PPP6R2: variants seen among roughly 807,000 people sequenced by gnomAD.
PPP6R2 encodes the protein protein phosphatase 6 regulatory subunit 2, also known as serine/threonine-protein phosphatase 6 regulatory subunit 2.
A neutral mutation model predicts 100.2 loss-of-function variants in PPP6R2; 62 were observed. The ratio of observed to expected loss-of-function variants is 0.62; its 90% CI spans 0.50 to 0.76. PPP6R2 has a LOEUF of 0.76. Among genes scored for constraint, PPP6R2 ranks in the 30% least tolerant of loss-of-function variants. The pLI is 0.00. For synonymous variants in PPP6R2, 525 were observed against 514.7 expected (o/e 1.02, Z -0.27); for missense variants, 1,142 against 1,276.3 (o/e 0.89, Z 1.60).
chr22:50,350,820 G>C (rs1267610074), intron 1 of PPP6R2, among the ~76,000 whole-genome samples: 7 of 147,304 alleles, frequency 4.8e-5, no homozygotes, highest in East Asian at 2.1e-4. Context: ...ACTCCAGCCT[G>C]GGCGACAGAG....
rs137859323 is a variant in PPP6R2, at chr22:50,394,103, G to A, written c.195G>A (p.Pro65=). The A allele has an allele frequency of 1.8e-4, 287 of 1,614,036 alleles. No homozygotes were observed. The highest frequency in any genetic ancestry group is 2.3e-4 in the Non-Finnish European group (273 of 1,180,020). ...EELVSLITQD[P]PLDMEEKVRF... The stretch of plus-strand genomic sequence containing the variant: ...TGGTGAGCCTCATCACACAGGATCC[G>A]CCCCTGGACATGGAGGAGAAGGTCC... Residue 65 remains proline, a synonymous_variant, in exon 3 of 24, where the codon CCG becomes CCA. Coordinates refer to ENST00000612753, the MANE Select transcript of PPP6R2 (RefSeq NM_001242898.2).
In PPP6R2 at chr22:50,439,951, T is replaced by C; in HGVS notation, c.2286-10T>C. ...CCCAGGACTGATCCTGTCCTCGTCC[T>C]TGTATGCAGCTCCGAGTCAGGGCCC... On this transcript the variant is annotated splice_polypyrimidine_tract_variant and intron_variant, in intron 20 of 23. Transcript: ENST00000612753. 1 of 1,613,236 alleles carries C rather than the reference T, an allele frequency of 6.2e-7. No individual in the cohort carries two copies. The highest frequency in any genetic ancestry group is 1.1e-5 in the South Asian group (1 of 91,022).
In PPP6R2 at chr22:50,444,470, C is replaced by CA. The variant is rs905355221; in HGVS notation, c.*224dup. The CA allele has an allele frequency of 9.2e-5, 50 of 541,964 alleles. No homozygotes were observed. Among genetic ancestry groups the CA allele is most frequent in the African/African-American group, 8.8e-4 (45 of 50,908 alleles). The allele number at this position is 541,964 out of a possible 1,614,324, so 33.6% of individuals were successfully genotyped here. A position where few individuals can be genotyped will look rare whatever the true frequency, so the allele number is the denominator to read the frequency against. On this transcript the variant is annotated 3_prime_UTR_variant, in exon 24 of 24. Transcript: ENST00000612753. ...CGTGCCCTGCTGGAGGACAGAGGGG[C>CA]ACCTCAGCCGCCCCCAAGCCCAGAG...
chr22:50,439,318 A>C (rs2065076991), intron 19 of PPP6R2, among the ~76,000 whole-genome samples: 1 of 152,098 alleles, frequency 6.6e-6, no homozygotes. Context: ...GATAGGAGGA[A>C]GACACCCCAT....
Position 50,406,741 on chromosome 22 carries a change from G to A in PPP6R2, c.280G>A (p.Asp94Asn), listed in dbSNP as rs779515905. The A allele has an allele frequency of 7.4e-6, 12 of 1,613,876 alleles. No individual in the cohort carries two copies. Among genetic ancestry groups the A allele is most frequent in the East Asian group, 4.5e-5 (2 of 44,900 alleles). ...LLTCDVPQIS[D>N]RLGGDESLLS... Reference sequence around the variant, plus strand: ...GACTTGTGATGTGCCGCAGATCAGCGACCGCCTCGGTGGGGACGAGAGCCT... The same window carrying A: ...GACTTGTGATGTGCCGCAGATCAGCAACCGCCTCGGTGGGGACGAGAGCCT... Residue 94 changes from aspartate to asparagine, a missense_variant, in exon 4 of 24, where the codon GAC (aspartate) becomes AAC (asparagine). Asp to Asn is a conservative substitution (Grantham distance 23). Around this residue, in one of 2 missense-constraint regions of PPP6R2, gnomAD observed 592 missense variants for 758.9 expected, o/e 0.78. Coordinates refer to ENST00000612753, the MANE Select transcript of PPP6R2 (RefSeq NM_001242898.2).
chr22:50,367,067 G>A (rs1388000874), intron 1 of PPP6R2, among the ~76,000 whole-genome samples: 3 of 152,028 alleles, frequency 2.0e-5, no homozygotes, highest in Admixed American at 6.6e-5. Flanking sequence ...AAAAAATGGA[G>A]GCTTTTTAAT....
At chr22:50,357,425 TTTTC>T (rs947344228) in intron 1 of PPP6R2, among the ~76,000 whole-genome samples, 1 of 150,280 alleles carries the variant, frequency 6.7e-6, no homozygotes, top group African/African-American at 2.5e-5. Context: ...CTTTCTTTTC[TTTTC>T]TTTTTCTTTT....
intron 21 of PPP6R2, among the ~76,000 whole-genome samples, 188 bp from the exon 22 acceptor site, chr22:50,440,634 T>C (rs1476654676): frequency 6.6e-6 from 1 of 152,146 alleles, no homozygotes; most frequent in Non-Finnish European, 1.5e-5. Context: ...ACAGGGTTGT[T>C]TGTGTGGAGA....
upstream of PPP6R2, among the ~76,000 whole-genome samples, chr22:50,340,923 T>G (rs532251160): frequency 8.6e-5 from 13 of 152,018 alleles, no homozygotes; most frequent in South Asian, 2.1e-4. Context: ...TTCATTTCAT[T>G]AAATGAAATA....
In PPP6R2 at chr22:50,419,415, C is replaced by T. The variant is rs759381250; in HGVS notation, c.798C>T (p.Val266=). 5.6e-6 allele frequency: 9 copies of T among 1,614,106 alleles called. No individual in the cohort carries two copies. In the African/African-American group the frequency reaches 1.2e-4, roughly 22 times the overall value. The change falls in exon 8 of 24, where the codon GTC becomes GTT. Residue 266 remains valine, a synonymous_variant. Transcript: ENST00000612753. ...FDGDRTESCL[V]SGTQVLLTLL... ...GAGACCGGACGGAGAGCTGCCTCGT[C>T]AGTGGGACTCAGGTGTTACTCACCT... is the stretch of plus-strand genomic sequence containing the variant.
At chr22:50,365,687 A>G (rs2048625635) in intron 1 of PPP6R2, among the ~76,000 whole-genome samples, 1 of 151,452 alleles carries the variant, frequency 6.6e-6, no homozygotes, top group African/African-American at 2.4e-5. Flanking sequence ...TCAAAAAAAA[A>G]AAAAAAAGAA....
intron 1 of PPP6R2, among the ~76,000 whole-genome samples, chr22:50,367,780 G>A (rs1174560207): frequency 6.6e-6 from 1 of 152,054 alleles, no homozygotes; most frequent in African/African-American, 2.4e-5. Context: ...CTTTGTGTGC[G>A]GAGACGAGAG....
intron 1 of PPP6R2, among the ~76,000 whole-genome samples, chr22:50,351,030 T>TTTTTTTG (rs2045030497): frequency 9.4e-6 from 1 of 106,154 alleles, no homozygotes; most frequent in African/African-American, 3.6e-5. Flanking sequence ...AACAGTGTTT[T>TTTTTTTG]TTTTTTTTTT....
intron 2 of PPP6R2, among the ~76,000 whole-genome samples, chr22:50,392,420 A>G (rs971186326): frequency 1.3e-5 from 2 of 152,054 alleles, no homozygotes; most frequent in Admixed American, 6.6e-5. Flanking sequence ...TTGTGCTGAA[A>G]GTCAAAGCAG....
intron 22 of PPP6R2, among the ~76,000 whole-genome samples, chr22:50,441,474 G>A (rs569991763): frequency 1.2e-4 from 18 of 152,304 alleles, no homozygotes; most frequent in Admixed American, 4.6e-4. Context: ...GCAGGCGAGC[G>A]GGCATCTGTG....
At chr22:50,427,350 T>A (rs2062336577) in intron 10 of PPP6R2, among the ~76,000 whole-genome samples, 2 of 152,240 alleles carry the variant, frequency 1.3e-5, no homozygotes, top group Non-Finnish European at 2.9e-5. Context: ...AACTTTGTTC[T>A]TTTTCCAGAT....
At chr22:50,355,458 C>T (rs1353518322) in intron 1 of PPP6R2, among the ~76,000 whole-genome samples, 2 of 151,154 alleles carry the variant, frequency 1.3e-5, no homozygotes, top group Non-Finnish European at 2.9e-5. Flanking sequence ...GATCTCCTAA[C>T]CTCGTGATCG....
intron 2 of PPP6R2, among the ~76,000 whole-genome samples, chr22:50,388,055 TGCTCATGCTGTAATCCCAGC>T (rs964737809): frequency 6.6e-6 from 1 of 151,894 alleles, no homozygotes; most frequent in Non-Finnish European, 1.5e-5. Context: ...GTAATCCCAG[TGCTCATGCTGTAATCCCAGC>T]ACCTTGGGAG....
intron 15 of PPP6R2, 124 bp from the exon 16 acceptor site, chr22:50,437,382 T>A: frequency 1.4e-6 from 1 of 718,350 alleles, no homozygotes; most frequent in Admixed American, 2.1e-5. Context: ...TACTGCCCAC[T>A]TGTGCTGGAG....
Sources: gnomAD v4.1 joint callset for allele counts (sites outside exome capture counted in the v4.1 genomes callset) on GRCh38, gnomAD v4.1.1 for gene constraint, gnomAD v4.1.1 regional missense constraint, MANE v1.5 for transcripts, NCBI Gene and HGNC (gene_info 2026-07-23, HGNC 2026-07-21) for gene names.